TRIM2: variants seen among roughly 807,000 people sequenced by gnomAD.
TRIM2 encodes the protein tripartite motif containing 2, also known as tripartite motif-containing protein 2.
TRIM2 carries 20 observed loss-of-function variants against 75.2 expected under a neutral mutation model. The observed-to-expected ratio is 0.27, with a 90% CI of 0.19 to 0.39. TRIM2 has a LOEUF of 0.39. Ranked by LOEUF, TRIM2 falls within the 10% of genes least tolerant of loss-of-function variation. TRIM2 has a pLI of 1.00. For synonymous variants in TRIM2, 373 were observed against 388.3 expected, an observed-to-expected ratio of 0.96 and a Z score of 0.46; for missense variants, 660 against 990.8, an observed-to-expected ratio of 0.67 and a Z score of 4.48.
chr4:153,244,489 G>C (rs532339404), intron 1 of TRIM2, among the ~76,000 whole-genome samples: 1 of 146,362 alleles, frequency 6.8e-6, no homozygotes, highest in Admixed American at 7.1e-5. Flanking sequence ...TTGAACTCCT[G>C]GGCTCAAGCA....
intron 6 of TRIM2, among the ~76,000 whole-genome samples, chr4:153,305,475 T>C (rs887367253): frequency 1.3e-5 from 2 of 152,210 alleles, no homozygotes; most frequent in South Asian, 4.1e-4. Flanking sequence ...CCCTTTTCTG[T>C]TGCTATAACA....
intron 11 of TRIM2, among the ~76,000 whole-genome samples, chr4:153,329,050 A>C (rs1770872346): frequency 6.6e-6 from 1 of 152,236 alleles, no homozygotes; most frequent in Non-Finnish European, 1.5e-5. Flanking sequence ...TTTGTCACCA[A>C]GAAAAATCAC....
chr4:153,334,863 A>G lies in TRIM2; in HGVS notation c.2213A>G (p.Asp738Gly), dbSNP rs1222671777. The change falls in exon 12 of 12, where the codon GAC (aspartate) becomes GGC (glycine). Residue 738 changes from aspartate (D) to glycine (G), a missense_variant. Coordinates refer to ENST00000338700, the MANE Select transcript of TRIM2 (RefSeq NM_015271.5). ...SFLSYINTSADPLYGPQGLAL... is the reference protein window; with the variant it reads ...SFLSYINTSAGPLYGPQGLAL... The stretch of plus-strand genomic sequence containing the variant: ...TTGTCCTACATTAACACATCTGCTG[A>G]CCCACTCTATGGCCCCCAAGGCCTG... The G allele has an allele frequency of 6.2e-7, 1 of 1,614,012 alleles. No homozygotes were observed.
intron 7 of TRIM2, 60 bp downstream of exon 7, chr4:153,315,648 A>G: frequency 1.4e-6 from 2 of 1,462,994 alleles, no homozygotes; most frequent in Non-Finnish European, 1.9e-6. Flanking sequence ...ATATAGTTAC[A>G]TATATTCCTA....
At chr4:153,153,376 G>GC (rs1728902027) in intron 1 of TRIM2, 1 of 151,528 alleles carries the variant, frequency 6.6e-6, no homozygotes, top group Non-Finnish European at 1.5e-5. Context: ...GGGCGCGCGT[G>GC]CGGCGGGGCT....
At chr4:153,261,290 G>A (rs1467674670) in intron 1 of TRIM2, among the ~76,000 whole-genome samples, 1 of 152,122 alleles carries the variant, frequency 6.6e-6, no homozygotes, top group East Asian at 1.9e-4. Context: ...GGTTGTGGTG[G>A]GGTACACCTG....
Position 153,335,365 on chromosome 4 carries a change from T to C in TRIM2, c.*399T>C. The C allele has an allele frequency of 1.0e-6, 1 of 988,960 alleles. No individual in the cohort carries two copies. The highest frequency in any genetic ancestry group is 1.2e-6 in the Non-Finnish European group (1 of 832,348). 61.3% of individuals were successfully genotyped at this position (988,960 alleles called of 1,614,324 possible). ...AGCAAAACAAAAACAAAATCTATTG[T>C]AGTTATATACTTCATTTAACCTAGG... On this transcript the variant is annotated 3_prime_UTR_variant, in exon 12 of 12. Coordinates refer to ENST00000338700, the MANE Select transcript of TRIM2 (RefSeq NM_015271.5).
chr4:153,313,306 C>G (rs1296746132), intron 6 of TRIM2, among the ~76,000 whole-genome samples: 2 of 152,134 alleles, frequency 1.3e-5, no homozygotes, highest in Admixed American at 1.3e-4. Context: ...TCAAATTTTT[C>G]TTTCACGCTA....
At chr4:153,231,017 A>G (rs1176252037) in intron 1 of TRIM2, among the ~76,000 whole-genome samples, 1 of 152,210 alleles carries the variant, frequency 6.6e-6, no homozygotes, top group African/African-American at 2.4e-5. Context: ...CAAGAAGTCA[A>G]GTGACTTTTC....
At chr4:153,287,743 A>C (rs920495873) in intron 3 of TRIM2, among the ~76,000 whole-genome samples, 1 of 152,250 alleles carries the variant, frequency 6.6e-6, no homozygotes, top group African/African-American at 2.4e-5. Context: ...TCAGCTACAT[A>C]GGTTTGTAAT....
rs528126122 is a variant in TRIM2, at chr4:153,288,788, TC to T, written c.454-4192del. On this transcript the variant is annotated intron_variant, in intron 3 of 11. Transcript: ENST00000338700. ...TTACTTTTTCTTCCTTTTTTTTTTT[TC>T]CTGCCTCACAGACTGTATAATCTCA... 2.7e-3 allele frequency among the ~76,000 whole-genome samples: 403 copies of T among 151,914 alleles called. 2 individuals are homozygous for T. The highest frequency in any genetic ancestry group is 9.3e-3 in the African/African-American group (385 of 41,498).
At chr4:153,184,252 G>A (rs1732366445) in intron 1 of TRIM2, among the ~76,000 whole-genome samples, 1 of 152,182 alleles carries the variant, frequency 6.6e-6, no homozygotes, top group African/African-American at 2.4e-5. Flanking sequence ...CAGGGTGTCA[G>A]TGTGGTTGGT....
At chr4:153,239,832 CTCTTTTTTTT>C (rs1746054694) in intron 1 of TRIM2, among the ~76,000 whole-genome samples, 1 of 139,448 alleles carries the variant, frequency 7.2e-6, no homozygotes, top group African/African-American at 2.7e-5. Flanking sequence ...AACTTTCTTT[CTCTTTTTTTT>C]TTTTTTTTTT....
chr4:153,280,384 C>CTTTTT (rs3048122), intron 3 of TRIM2, among the ~76,000 whole-genome samples: 5,718 of 116,852 alleles, frequency 0.049, 834 homozygotes, highest in African/African-American at 0.17. Flanking sequence ...CAGCAAATTC[C>CTTTTT]TTTTTTTTTT....
intron 1 of TRIM2, among the ~76,000 whole-genome samples, chr4:153,269,919 A>T (rs764368370): frequency 6.6e-6 from 1 of 151,832 alleles, no homozygotes; most frequent in Non-Finnish European, 1.5e-5. Context: ...TTATTTATTT[A>T]TTTTTTATTT....
chr4:153,314,740 A>G (rs923206759), intron 6 of TRIM2, among the ~76,000 whole-genome samples: 1 of 152,150 alleles, frequency 6.6e-6, no homozygotes. Flanking sequence ...GAGATATTGA[A>G]TCTTTGAAAA....
intron 1 of TRIM2, among the ~76,000 whole-genome samples, chr4:153,193,348 G>A (rs2149664177): frequency 6.6e-6 from 1 of 152,026 alleles, no homozygotes; most frequent in South Asian, 2.1e-4. Flanking sequence ...AGTTAGGATG[G>A]TCTCGATCTC....
At chr4:153,213,925 C>T (rs1737763230) in intron 1 of TRIM2, among the ~76,000 whole-genome samples, 2 of 151,880 alleles carry the variant, frequency 1.3e-5, no homozygotes, top group African/African-American at 4.8e-5. Context: ...GGACAGTTGG[C>T]TACATATTTT....
chr4:153,235,185 T>A (rs1744691438), intron 1 of TRIM2, among the ~76,000 whole-genome samples: 1 of 152,224 alleles, frequency 6.6e-6, no homozygotes, highest in African/African-American at 2.4e-5. Context: ...TAATCATTGG[T>A]GACAGCTGTG....
Sources: gnomAD v4.1 joint callset for allele counts (sites outside exome capture counted in the v4.1 genomes callset) on GRCh38, gnomAD v4.1.1 for gene constraint, MANE v1.5 for transcripts, NCBI Gene and HGNC (gene_info 2026-07-23, HGNC 2026-07-21) for gene names.